The following ZNF804A variants were observed in gnomAD, a reference collection of about 807,000 sequenced individuals.
ZNF804A encodes zinc finger protein 804A.
A neutral mutation model predicts 16.5 loss-of-function variants in ZNF804A; 2 were observed. The ratio of observed to expected loss-of-function variants is 0.12; its 90% confidence interval spans 0.05 to 0.38. The LOEUF is 0.38. ZNF804A is among the 10% of genes least tolerant of loss of function. The pLI, the probability that ZNF804A is intolerant of heterozygous loss-of-function variation, is 0.99. For synonymous variants in ZNF804A, 534 were observed against 489.6 expected (o/e 1.09, Z -1.20); for missense variants, 1,473 against 1,390.7 (o/e 1.06, Z -0.94).
intron 1 of ZNF804A, among the ~76,000 whole-genome samples, chr2:184,844,562 G>A (rs1028809179): frequency 6.6e-6 from 1 of 150,392 alleles, no homozygotes; most frequent in Non-Finnish European, 1.5e-5. Context: ...CTGATGAGAA[G>A]TCTATTGTAA....
chr2:184,851,556 A>G (rs371834438), intron 1 of ZNF804A, among the ~76,000 whole-genome samples: 108 of 152,028 alleles, frequency 7.1e-4, no homozygotes, highest in African/African-American at 2.5e-3. Context: ...GCGCATATAT[A>G]CACAACACAT....
chr2:184,620,411 C>A (rs1240016529), intron 1 of ZNF804A, among the ~76,000 whole-genome samples: 1 of 151,718 alleles, frequency 6.6e-6, no homozygotes, highest in East Asian at 1.9e-4. Flanking sequence ...GGAAGACTAT[C>A]TGTGAAAATA....
intron 1 of ZNF804A, among the ~76,000 whole-genome samples, chr2:184,742,506 GAAAGAATAAGAT>G (rs1693723774): frequency 6.6e-6 from 1 of 151,932 alleles, no homozygotes; most frequent in Middle Eastern, 3.2e-3. Flanking sequence ...TCACCTGATA[GAAAGAATAAGAT>G]ATTTTTGCAT....
chr2:184,800,552 G>A (rs1334712438), intron 1 of ZNF804A, among the ~76,000 whole-genome samples: 1 of 151,420 alleles, frequency 6.6e-6, no homozygotes, highest in Non-Finnish European at 1.5e-5. Flanking sequence ...TTACTTAAAA[G>A]TATTTTTTGG....
intron 1 of ZNF804A, among the ~76,000 whole-genome samples, chr2:184,750,099 T>C (rs1693856515): frequency 6.6e-6 from 1 of 151,398 alleles, no homozygotes; most frequent in African/African-American, 2.4e-5. Flanking sequence ...TCTTTCTTTG[T>C]ACTAATTTTT....
chr2:184,637,663 CTCTGCAGGCATAA>C (rs536680323), intron 1 of ZNF804A, among the ~76,000 whole-genome samples: 853 of 39,292 alleles, frequency 0.022, 8 homozygotes, highest in African/African-American at 0.08. Context: ...TTATAAAATA[CTCTGCAGGCATAA>C]TTTAGAAAAT....
rs199932207 is a variant in ZNF804A, at chr2:184,930,018, CACA to C, written c.256-3581_256-3579del. Among the ~76,000 whole-genome samples, 980 of 152,208 alleles carry C rather than the reference CACA, an allele frequency of 6.4e-3. 6 individuals carry two copies. Among genetic ancestry groups the C allele is most frequent in the African/African-American group, 0.02 (819 of 41,526 alleles). On this transcript the variant is annotated intron_variant, in intron 2 of 3. Transcript: ENST00000302277. ...TATTTCTGTAAAATACGCATAAATA[CACA>C]ACACTTGCCCACATATACACTCATA...
At chr2:184,879,989 T>G (rs1684784286) in intron 2 of ZNF804A, among the ~76,000 whole-genome samples, 2 of 152,046 alleles carry the variant, frequency 1.3e-5, no homozygotes, top group Admixed American at 1.3e-4. Context: ...TACCTTCTTA[T>G]CAAAAATGTA....
At chr2:184,677,143 G>A (rs1027601067) in intron 1 of ZNF804A, among the ~76,000 whole-genome samples, 6 of 151,700 alleles carry the variant, frequency 4.0e-5, no homozygotes, top group African/African-American at 9.7e-5. Flanking sequence ...ATAGAAACAC[G>A]GAATCAATGT....
At chr2:184,623,091 T>A (rs1691443246) in intron 1 of ZNF804A, among the ~76,000 whole-genome samples, 1 of 152,094 alleles carries the variant, frequency 6.6e-6, no homozygotes, top group Non-Finnish European at 1.5e-5. Flanking sequence ...TTTATTGTAG[T>A]CATAGAAGAG....
At chr2:184,612,789 C>T (rs1691259340) in intron 1 of ZNF804A, among the ~76,000 whole-genome samples, 1 of 152,132 alleles carries the variant, frequency 6.6e-6, no homozygotes, top group African/African-American at 2.4e-5. Context: ...CACAGGTAGA[C>T]TGATAGTAAT....
chr2:184,759,605 T>G (rs1694010985), intron 1 of ZNF804A, among the ~76,000 whole-genome samples: 1 of 152,098 alleles, frequency 6.6e-6, no homozygotes, highest in Non-Finnish European at 1.5e-5. Flanking sequence ...TAGCAATTGA[T>G]TTTTTTAACT....
chr2:184,933,988 T>G (rs148115810), intron 3 of ZNF804A, among the ~76,000 whole-genome samples: 1 of 152,258 alleles, frequency 6.6e-6, no homozygotes, highest in African/African-American at 2.4e-5. Flanking sequence ...TGTTATTATT[T>G]AAGTTATCTT....
chr2:184,618,105 C>A (rs554066974), intron 1 of ZNF804A, among the ~76,000 whole-genome samples: 1 of 152,142 alleles, frequency 6.6e-6, no homozygotes, highest in African/African-American at 2.4e-5. Context: ...GAATAATATG[C>A]ATTCTCATAT....
chr2:184,630,474 G>T (rs1691587993), intron 1 of ZNF804A, among the ~76,000 whole-genome samples: 1 of 152,072 alleles, frequency 6.6e-6, no homozygotes, highest in Non-Finnish European at 1.5e-5. Context: ...TTTCTCAGAA[G>T]AAATATTTTA....
chr2:184,907,152 C>T (rs1026718398), intron 2 of ZNF804A, among the ~76,000 whole-genome samples: 2 of 152,182 alleles, frequency 1.3e-5, no homozygotes, highest in Non-Finnish European at 2.9e-5. Context: ...CACTGTGCCT[C>T]ACTTTTCATC....
intron 1 of ZNF804A, among the ~76,000 whole-genome samples, chr2:184,760,776 A>G (rs1195664916): frequency 6.6e-6 from 1 of 151,800 alleles, no homozygotes; most frequent in African/African-American, 2.4e-5. Flanking sequence ...TTTGTTTGCT[A>G]CTCTTCAGGT....
intron 1 of ZNF804A, among the ~76,000 whole-genome samples, chr2:184,620,344 G>T (rs1032814052): frequency 3.3e-5 from 5 of 151,798 alleles, no homozygotes; most frequent in Admixed American, 3.3e-4. Flanking sequence ...AAAATTGCTA[G>T]TTCTGCAAAT....
intron 1 of ZNF804A, among the ~76,000 whole-genome samples, chr2:184,686,157 C>G (rs1455022471): frequency 1.3e-5 from 2 of 152,232 alleles, no homozygotes; most frequent in African/African-American, 4.8e-5. Context: ...GGGGCAGGGG[C>G]TTCCCAGGCC....
Sources: gnomAD v4.1 joint callset for allele counts (sites outside exome capture counted in the v4.1 genomes callset) on GRCh38, gnomAD v4.1.1 for gene constraint, MANE v1.5 for transcripts, NCBI Gene and HGNC (gene_info 2026-07-23, HGNC 2026-07-21) for gene names.